Variants in CEP112 observed in about 807,000 individuals in gnomAD.
CEP112 encodes centrosomal protein 112, also known as centrosomal protein of 112 kDa.
A neutral mutation model predicts 153.0 loss-of-function variants in CEP112; 127 were observed. The observed-to-expected ratio is 0.83, with a 90% CI of 0.72 to 0.96. The LOEUF is 0.96. Ranked by LOEUF, CEP112 falls within the 40% of genes least tolerant of loss-of-function variation. The pLI is 0.00. For synonymous variants in CEP112, 358 were observed against 374.4 expected, an observed-to-expected ratio of 0.96 and a Z score of 0.51; for missense variants, 1,089 against 1,101.2, an observed-to-expected ratio of 0.99 and a Z score of 0.16.
At chr17:65,821,185 G>T (rs2056515742) in intron 21 of CEP112, among the ~76,000 whole-genome samples, 1 of 151,454 alleles carries the variant, frequency 6.6e-6, no homozygotes, top group Admixed American at 6.6e-5. Context: ...AGCCATAAGT[G>T]CAGTGATACA....
Position 65,821,397 on chromosome 17 carries a change from T to C in CEP112, c.2394+30407A>G, listed in dbSNP as rs1043286720. Among the ~76,000 whole-genome samples, 3 of 148,506 alleles carry C rather than the reference T, an allele frequency of 2.0e-5. No homozygotes were observed. In the South Asian group the frequency reaches 6.3e-4, roughly 31 times the overall value. ...CCAATTAAAGGAAATAAAATCTGTT[T>C]AAGGGGAATATAATGCATGGAACTT... On this transcript the variant is annotated intron_variant, in intron 21 of 26. Coordinates refer to ENST00000535342, the MANE Select transcript of CEP112 (RefSeq NM_001199165.4).
intron 5 of CEP112, among the ~76,000 whole-genome samples, chr17:66,131,533 A>T (rs572461878): frequency 2.0e-5 from 3 of 151,896 alleles, no homozygotes; most frequent in Non-Finnish European, 4.4e-5. Flanking sequence ...CGAGGTCAGG[A>T]GATCAAGACC....
intron 23 of CEP112, among the ~76,000 whole-genome samples, chr17:65,720,527 T>A (rs1355175223): frequency 6.6e-6 from 1 of 152,124 alleles, no homozygotes; most frequent in Non-Finnish European, 1.5e-5. Context: ...GGAGTCAAGC[T>A]GGTAAAGACA....
At chr17:65,662,165 T>C (rs966814238) in intron 24 of CEP112, among the ~76,000 whole-genome samples, 1 of 152,148 alleles carries the variant, frequency 6.6e-6, no homozygotes, top group Admixed American at 6.5e-5. Context: ...GACTGGGTTT[T>C]ACCATGTTGC....
chr17:65,757,408 C>A (rs1306732676), intron 21 of CEP112, among the ~76,000 whole-genome samples: 1 of 152,004 alleles, frequency 6.6e-6, no homozygotes, highest in African/African-American at 2.4e-5. Flanking sequence ...TAGAAAACAT[C>A]TTTGGGAAAT....
chr17:65,857,624 A>G (rs970902373), intron 20 of CEP112, among the ~76,000 whole-genome samples: 1 of 152,028 alleles, frequency 6.6e-6, no homozygotes, highest in African/African-American at 2.4e-5. Context: ...GTTACATTCA[A>G]TTTTTTCCAT....
intron 20 of CEP112, among the ~76,000 whole-genome samples, chr17:65,900,886 C>T (rs2059822158): frequency 1.3e-5 from 2 of 152,136 alleles, no homozygotes; most frequent in African/African-American, 4.8e-5. Context: ...ACAATGACTA[C>T]CTTTTTAGGT....
chr17:65,814,573 A>G (rs1203132897), intron 21 of CEP112, among the ~76,000 whole-genome samples: 1 of 152,186 alleles, frequency 6.6e-6, no homozygotes, highest in African/African-American at 2.4e-5. Flanking sequence ...TTGTATTATT[A>G]GTAAGGATAA....
At chr17:66,063,156 C>T (rs557824466) in intron 10 of CEP112, 75 bp from the exon 11 acceptor site, 1 of 560,606 alleles carries the variant, frequency 1.8e-6, no homozygotes, top group East Asian at 3.1e-5. Context: ...TTTAGTGCAC[C>T]AGTTAGTAGG....
chr17:65,642,927 T>C (rs766213995), intron 24 of CEP112, among the ~76,000 whole-genome samples: 3 of 152,224 alleles, frequency 2.0e-5, no homozygotes, highest in African/African-American at 4.8e-5. Context: ...TTATTCTGTA[T>C]TTTACTACTG....
intron 4 of CEP112, among the ~76,000 whole-genome samples, chr17:66,147,179 T>TC (rs35835273): frequency 0.16 from 23,711 of 152,094 alleles, 3,149 homozygotes; most frequent in East Asian, 0.74. Flanking sequence ...ACTTTTTTTT[T>TC]CACAGTAGCC....
intron 21 of CEP112, among the ~76,000 whole-genome samples, chr17:65,770,115 A>G (rs1423380099): frequency 6.6e-6 from 1 of 151,746 alleles, no homozygotes; most frequent in Non-Finnish European, 1.5e-5. Flanking sequence ...GAAAAAAAAA[A>G]CCTCTAAGAC....
At chr17:65,656,140 G>A (rs1049719338) in intron 24 of CEP112, among the ~76,000 whole-genome samples, 2 of 152,166 alleles carry the variant, frequency 1.3e-5, no homozygotes, top group Middle Eastern at 3.2e-3. Flanking sequence ...TTGAGGGCCT[G>A]GTAACATGAT....
chr17:66,102,477 G>A (rs1322409165), intron 6 of CEP112, among the ~76,000 whole-genome samples: 3 of 152,008 alleles, frequency 2.0e-5, no homozygotes, highest in Non-Finnish European at 4.4e-5. Flanking sequence ...ATTAAAGGAA[G>A]AAACTATATA....
intron 20 of CEP112, among the ~76,000 whole-genome samples, chr17:65,883,176 C>A (rs1458485804): frequency 6.6e-6 from 1 of 151,888 alleles, no homozygotes; most frequent in African/African-American, 2.4e-5. Context: ...ACAAGGTGCT[C>A]TGATAGAACA....
At chr17:65,640,326 G>C (rs1223656358) in intron 25 of CEP112, among the ~76,000 whole-genome samples, 1 of 151,422 alleles carries the variant, frequency 6.6e-6, no homozygotes, top group Non-Finnish European at 1.5e-5. Flanking sequence ...GCTAATTTTT[G>C]TATTTTTAGT....
intron 21 of CEP112, among the ~76,000 whole-genome samples, chr17:65,796,849 A>G (rs951967076): frequency 1.4e-5 from 2 of 140,798 alleles, no homozygotes; most frequent in African/African-American, 5.3e-5. Context: ...CCTTGGCAAT[A>G]TGGTAAAACC....
At position 65,635,808 on chromosome 17, in the gene CEP112, C is replaced by T. The variant is rs2044739880; in HGVS notation, c.*163G>A. On this transcript the variant is annotated 3_prime_UTR_variant, in exon 27 of 27. Transcript: ENST00000535342. ...CTTAGGCAGACACAAATAAAACCACCCCACTAGTGTATGAATGATGCATGT... is the reference window on the plus strand; with the variant it reads ...CTTAGGCAGACACAAATAAAACCACTCCACTAGTGTATGAATGATGCATGT... 1 of 668,834 alleles carries T rather than the reference C, an allele frequency of 1.5e-6. No homozygotes were observed. The highest frequency in any genetic ancestry group is 1.8e-5 in the African/African-American group (1 of 54,412). 41.4% of individuals were successfully genotyped at this position (668,834 alleles called of 1,614,324 possible). A position where few individuals can be genotyped will look rare whatever the true frequency, so the allele number is the denominator to read the frequency against.
intron 16 of CEP112, among the ~76,000 whole-genome samples, chr17:66,018,949 G>A (rs1598124786): frequency 1.3e-5 from 2 of 152,162 alleles, no homozygotes; most frequent in South Asian, 4.1e-4. Flanking sequence ...GTGTTTCCTT[G>A]CTAGTCAAAT....
Sources: gnomAD v4.1 joint callset for allele counts (sites outside exome capture counted in the v4.1 genomes callset) on GRCh38, gnomAD v4.1.1 for gene constraint, MANE v1.5 for transcripts, NCBI Gene and HGNC (gene_info 2026-07-23, HGNC 2026-07-21) for gene names.